The following MALRD1 variants were observed in gnomAD, a reference collection of about 807,000 sequenced individuals.
MALRD1 encodes the protein MAM and LDL-receptor class A domain-containing protein 1.
In MALRD1, 247 loss-of-function variants were observed where a neutral mutation model predicts 242.1. The ratio of observed to expected loss-of-function variants is 1.02; its 90% CI spans 0.92 to 1.13. The LOEUF (loss-of-function observed/expected upper bound fraction) is 1.13. MALRD1 is among the 50% of genes most tolerant of loss of function. The pLI is 0.00. For synonymous variants in MALRD1, 995 were observed against 866.6 expected (o/e 1.15, Z -2.60); for missense variants, 2,989 against 2,533.1 (o/e 1.18, Z -3.86).
At chr10:19,560,824 G>A (rs1014758817) in intron 32 of MALRD1, among the ~76,000 whole-genome samples, 4 of 152,244 alleles carry the variant, frequency 2.6e-5, no homozygotes, top group African/African-American at 9.6e-5. Flanking sequence ...GTGGGGGATA[G>A]GGGAGGGATA....
At chr10:19,429,203 G>C (rs917019761) in intron 28 of MALRD1, among the ~76,000 whole-genome samples, 2 of 152,186 alleles carry the variant, frequency 1.3e-5, no homozygotes, top group African/African-American at 2.4e-5. Context: ...AACAAAGCCA[G>C]AATAAATTGA....
intron 31 of MALRD1, among the ~76,000 whole-genome samples, chr10:19,516,826 C>T (rs1271652453): frequency 6.6e-6 from 1 of 151,760 alleles, no homozygotes; most frequent in Non-Finnish European, 1.5e-5. Context: ...TCTATACTTG[C>T]ATTTTAAAAT....
At chr10:19,453,957 G>C (rs1349947603) in intron 29 of MALRD1, among the ~76,000 whole-genome samples, 1 of 152,138 alleles carries the variant, frequency 6.6e-6, no homozygotes, top group Non-Finnish European at 1.5e-5. Context: ...AGGAGGCTGA[G>C]GCAGGAGAAT....
chr10:19,335,042 G>C (rs781170059), intron 24 of MALRD1, among the ~76,000 whole-genome samples: 1 of 152,016 alleles, frequency 6.6e-6, no homozygotes, highest in African/African-American at 2.4e-5. Context: ...TTTACCAAGG[G>C]AATCGGAAAC....
At chr10:19,445,302 A>G (rs2483077) in intron 28 of MALRD1, among the ~76,000 whole-genome samples, 107,030 of 152,114 alleles carry the variant, frequency 0.7, 37,734 homozygotes, top group Non-Finnish European at 0.74. Context: ...TCTGAAGCTT[A>G]CTTCTGTCAA....
intron 33 of MALRD1, among the ~76,000 whole-genome samples, chr10:19,591,555 G>C (rs572662993): frequency 7.1e-6 from 1 of 140,872 alleles, no homozygotes; most frequent in Non-Finnish European, 1.5e-5. Context: ...CTGGAGTGCA[G>C]TTGCACTATC....
rs140132142 is a variant in MALRD1, at chr10:19,713,435, TA to T, written c.6315-17267del. ...AATGTTTCCTAAGCAAGTTGGAAAATAAAAGACTTTGGCTCTGCCCATGGGA... is the reference window on the plus strand; with the variant it reads ...AATGTTTCCTAAGCAAGTTGGAAAATAAAGACTTTGGCTCTGCCCATGGGA... On this transcript the variant is annotated intron_variant, in intron 38 of 39. Coordinates refer to ENST00000454679, the MANE Select transcript of MALRD1 (RefSeq NM_001142308.3). Among the ~76,000 whole-genome samples, 368 of 152,280 alleles carry T rather than the reference TA, an allele frequency of 2.4e-3. 10 individuals carry two copies. The East Asian group carries it at 0.052, about 21-fold the overall frequency.
At position 19,252,108 on chromosome 10, in the gene MALRD1, C is replaced by T. The variant is rs1055147962; in HGVS notation, c.2992-5576C>T. ...ATAGTTCTTTACAGCAATGTGAAAA[C>T]GAACTAATAAAGTAGGTGAAGTTTA... is the stretch of plus-strand genomic sequence containing the variant. On this transcript the variant is annotated intron_variant, in intron 18 of 39. Coordinates refer to ENST00000454679, the MANE Select transcript of MALRD1 (RefSeq NM_001142308.3). 5.3e-5 allele frequency among the ~76,000 whole-genome samples: 8 copies of T among 151,960 alleles called. No individual in the cohort carries two copies. In the South Asian group the frequency reaches 8.3e-4, roughly 16 times the overall value.
chr10:19,210,113 T>A (rs1836981866), intron 18 of MALRD1, among the ~76,000 whole-genome samples: 1 of 152,242 alleles, frequency 6.6e-6, no homozygotes, highest in Admixed American at 6.5e-5. Context: ...AATCAGTTCC[T>A]CTGAGGAAGA....
At chr10:19,666,311 T>C (rs1264286939) in intron 36 of MALRD1, among the ~76,000 whole-genome samples, 1 of 152,186 alleles carries the variant, frequency 6.6e-6, no homozygotes, top group East Asian at 1.9e-4. Flanking sequence ...CTTCTATACT[T>C]TCAGATCTTT....
At chr10:19,465,496 G>A (rs1028173921) in intron 29 of MALRD1, among the ~76,000 whole-genome samples, 2 of 152,052 alleles carry the variant, frequency 1.3e-5, no homozygotes, top group African/African-American at 4.8e-5. Context: ...CATACTCTCT[G>A]TTGAGGTTGC....
At chr10:19,653,798 G>A (rs1432778464) in intron 36 of MALRD1, among the ~76,000 whole-genome samples, 1 of 152,104 alleles carries the variant, frequency 6.6e-6, no homozygotes, top group Non-Finnish European at 1.5e-5. Flanking sequence ...GGTGGTCCAT[G>A]GTGATCCATT....
chr10:19,194,235 A>G (rs1372612844), intron 14 of MALRD1, among the ~76,000 whole-genome samples: 7 of 152,156 alleles, frequency 4.6e-5, no homozygotes, highest in Non-Finnish European at 8.8e-5. Flanking sequence ...ACTTTTAAAC[A>G]TAAACATAAA....
chr10:19,470,169 T>G, intron 29 of MALRD1, among the ~76,000 whole-genome samples: 1 of 151,928 alleles, frequency 6.6e-6, no homozygotes, highest in East Asian at 1.9e-4. Context: ...TAAAAGAAGA[T>G]TCCACATATA....
chr10:19,146,109 G>A, intron 10 of MALRD1, 89 bp from the exon 11 acceptor site: 1 of 1,018,788 alleles, frequency 9.8e-7, no homozygotes, highest in Non-Finnish European at 1.3e-6. Context: ...AATTTTGCAG[G>A]CCTCCTAAGA....
intron 18 of MALRD1, among the ~76,000 whole-genome samples, chr10:19,238,226 T>C (rs1198596067): frequency 1.9e-4 from 12 of 64,688 alleles, no homozygotes; most frequent in African/African-American, 6.4e-4. Context: ...ATATACATAA[T>C]ATATATTATA....
chr10:19,209,491 T>G lies in MALRD1; in HGVS notation c.2802T>G (p.Asn934Lys). ...DSAALLSPIL[N>K]ATDTKGCTFR... ...CTGCCTTACTCAGCCCAATCCTTAA[T>G]GCCACTGATACAAAAGGCTGCACCT... is the stretch of plus-strand genomic sequence containing the variant. Residue 934 changes from asparagine (N) to lysine (K), a missense_variant, in exon 18 of 40, where the codon AAT becomes AAG. Asn to Lys is a moderately conservative substitution (Grantham distance 94). Transcript: ENST00000454679. The G allele has an allele frequency of 3.2e-6, 5 of 1,550,788 alleles. No individual in the cohort carries two copies. The highest frequency in any genetic ancestry group is 4.4e-6 in the Non-Finnish European group (5 of 1,147,026).
chr10:19,635,219 G>T (rs910823159), intron 36 of MALRD1, among the ~76,000 whole-genome samples: 1 of 152,044 alleles, frequency 6.6e-6, no homozygotes, highest in African/African-American at 2.4e-5. Flanking sequence ...CAATTCAAGA[G>T]AAGCCCAAAA....
At chr10:19,449,764 A>G (rs1443781080) in intron 28 of MALRD1, among the ~76,000 whole-genome samples, 2 of 152,182 alleles carry the variant, frequency 1.3e-5, no homozygotes, top group Non-Finnish European at 2.9e-5. Flanking sequence ...TGACAAAATA[A>G]TCTGTACATC....
Sources: gnomAD v4.1 joint callset for allele counts (sites outside exome capture counted in the v4.1 genomes callset) on GRCh38, gnomAD v4.1.1 for gene constraint, MANE v1.5 for transcripts, NCBI Gene and HGNC (gene_info 2026-07-23, HGNC 2026-07-21) for gene names.